The following PRKG1 variants were observed in gnomAD, a reference collection of about 807,000 sequenced individuals.
The protein encoded by PRKG1 is cGMP-dependent protein kinase 1.
PRKG1 carries 35 observed loss-of-function variants against 88.1 expected under a neutral mutation model. That is an observed-to-expected ratio of 0.40 (90% CI 0.30 to 0.53). The LOEUF is 0.53. Ranked by LOEUF, PRKG1 falls within the 20% of genes least tolerant of loss-of-function variation. PRKG1 has a pLI of 0.59. For synonymous variants in PRKG1, 303 were observed against 292.5 expected, an observed-to-expected ratio of 1.04 and a Z score of -0.37; for missense variants, 540 against 839.8, an observed-to-expected ratio of 0.64 and a Z score of 4.41.
At chr10:51,698,119 A>G in intron 3 of PRKG1, 1 of 1,614,024 alleles carries the variant, frequency 6.2e-7, no homozygotes, top group Non-Finnish European at 8.5e-7. Context: ...TGGGACCAGG[A>G]CCCTGAATTC....
chr10:51,964,000 C>T (rs983700630), intron 5 of PRKG1, among the ~76,000 whole-genome samples: 1 of 152,160 alleles, frequency 6.6e-6, no homozygotes, highest in Admixed American at 6.5e-5. Context: ...AAAGTGTCAG[C>T]AGGTCTGTAT....
intron 2 of PRKG1, among the ~76,000 whole-genome samples, chr10:51,438,980 T>C (rs1446397642): frequency 6.7e-6 from 1 of 150,372 alleles, no homozygotes; most frequent in Admixed American, 6.6e-5. Context: ...AAAAACCACC[T>C]GGAACCAACA....
chr10:52,089,519 T>A (rs993278041), intron 7 of PRKG1, among the ~76,000 whole-genome samples: 14 of 152,110 alleles, frequency 9.2e-5, no homozygotes, highest in African/African-American at 3.1e-4. Flanking sequence ...TGCTAATAGA[T>A]GAGATGATAA....
Position 51,683,284 on chromosome 10 carries a change from T to C in PRKG1, c.593-121301T>C, listed in dbSNP as rs561111839. Reference sequence around the variant, plus strand: ...TTGCAGTGAGCCAAGATTGTGCCACTACTCCAGCCTCTGCAAGGGAGTGAG... The same window carrying C: ...TTGCAGTGAGCCAAGATTGTGCCACCACTCCAGCCTCTGCAAGGGAGTGAG... On this transcript the variant is annotated intron_variant, in intron 3 of 17. Transcript: ENST00000373980. Among the ~76,000 whole-genome samples, 15 of 152,196 alleles carry C rather than the reference T, an allele frequency of 9.9e-5. No homozygotes were observed. The South Asian group carries it at 2.9e-3, about 29-fold the overall frequency.
chr10:51,783,059 C>T (rs1055265268), intron 3 of PRKG1, among the ~76,000 whole-genome samples: 1 of 151,936 alleles, frequency 6.6e-6, no homozygotes, highest in African/African-American at 2.4e-5. Flanking sequence ...ATCGAAAACT[C>T]TTAGTATTAA....
chr10:52,063,521 T>A (rs1442172259), intron 7 of PRKG1, among the ~76,000 whole-genome samples: 1 of 152,252 alleles, frequency 6.6e-6, no homozygotes, highest in East Asian at 1.9e-4. Flanking sequence ...AAGGGGCATG[T>A]TTCAGCCCTG....
chr10:52,017,500 A>T (rs1426123983), intron 5 of PRKG1, among the ~76,000 whole-genome samples: 1 of 152,162 alleles, frequency 6.6e-6, no homozygotes, highest in South Asian at 2.1e-4. Context: ...AGTAGGTACC[A>T]CTGGTGATTC....
At chr10:51,474,101 G>A (rs1404016138) in intron 3 of PRKG1, among the ~76,000 whole-genome samples, 1 of 151,912 alleles carries the variant, frequency 6.6e-6, no homozygotes, top group East Asian at 1.9e-4. Context: ...TTTGAAGACT[G>A]TGAACAACAC....
chr10:52,024,317 C>T (rs4517465), intron 5 of PRKG1, among the ~76,000 whole-genome samples: 127,589 of 150,770 alleles, frequency 0.85, 54,374 homozygotes, highest in East Asian at 1. Flanking sequence ...ATTTATTTAA[C>T]TTTTTTTTTT....
At chr10:51,539,042 G>T (rs1162551506) in intron 3 of PRKG1, among the ~76,000 whole-genome samples, 1 of 152,042 alleles carries the variant, frequency 6.6e-6, no homozygotes, top group Non-Finnish European at 1.5e-5. Context: ...GTTGCAAATT[G>T]ATTTGGTGTT....
intron 3 of PRKG1, among the ~76,000 whole-genome samples, chr10:51,775,122 T>C (rs558002213): frequency 8.5e-5 from 13 of 152,280 alleles, no homozygotes; most frequent in Non-Finnish European, 1.6e-4. Flanking sequence ...CTTTTGTATT[T>C]TGAAAAGTTG....
At chr10:51,160,900 G>A (rs1166804937) in intron 2 of PRKG1, among the ~76,000 whole-genome samples, 1 of 132,964 alleles carries the variant, frequency 7.5e-6, no homozygotes, top group Non-Finnish European at 1.6e-5. Context: ...GTGTGTCTGT[G>A]TGTGTGTGCA....
chr10:51,325,808 C>A (rs1037096309), intron 2 of PRKG1, among the ~76,000 whole-genome samples: 18 of 152,066 alleles, frequency 1.2e-4, no homozygotes, highest in African/African-American at 4.3e-4. Context: ...AGACCTGGTC[C>A]CCCAGTGTTG....
intron 9 of PRKG1, among the ~76,000 whole-genome samples, chr10:52,205,541 G>A (rs1393356037): frequency 6.6e-6 from 1 of 152,090 alleles, no homozygotes; most frequent in African/African-American, 2.4e-5. Flanking sequence ...TGTTTTTTTG[G>A]TGGCTGGTAA....
chr10:51,706,676 T>A (rs1017522377), intron 3 of PRKG1, among the ~76,000 whole-genome samples: 2 of 152,164 alleles, frequency 1.3e-5, no homozygotes, highest in Admixed American at 1.3e-4. Flanking sequence ...GAAAAGGCAG[T>A]AGAGTGAAGG....
chr10:52,274,135 A>AT (rs1162757767), intron 12 of PRKG1, among the ~76,000 whole-genome samples: 1 of 151,650 alleles, frequency 6.6e-6, no homozygotes, highest in Non-Finnish European at 1.5e-5. Flanking sequence ...TTATTTTTTT[A>AT]TTTTTTCATA....
At chr10:51,754,282 A>G (rs549803195) in intron 3 of PRKG1, among the ~76,000 whole-genome samples, 104 of 152,240 alleles carry the variant, frequency 6.8e-4, no homozygotes, top group Non-Finnish European at 1.3e-3. Flanking sequence ...TTCCATCTTG[A>G]TCTATCCTGG....
chr10:51,056,687 A>G (rs767031502), intron 1 of PRKG1, among the ~76,000 whole-genome samples: 4 of 152,056 alleles, frequency 2.6e-5, no homozygotes, highest in Non-Finnish European at 4.4e-5. Context: ...CTACCTTTCC[A>G]TTACCAAGTT....
intron 2 of PRKG1, among the ~76,000 whole-genome samples, chr10:51,266,427 G>A (rs781763673): frequency 1.4e-4 from 22 of 152,128 alleles, no homozygotes; most frequent in African/African-American, 4.8e-4. Flanking sequence ...CAGAATGGAC[G>A]GATGCTTCTA....
Sources: gnomAD v4.1 joint callset for allele counts (sites outside exome capture counted in the v4.1 genomes callset) on GRCh38, gnomAD v4.1.1 for gene constraint, MANE v1.5 for transcripts, NCBI Gene and HGNC (gene_info 2026-07-23, HGNC 2026-07-21) for gene names.